PDZRN3: variants seen among roughly 807,000 people sequenced by gnomAD.
The protein encoded by PDZRN3 is E3 ubiquitin-protein ligase PDZRN3.
In PDZRN3, 38 loss-of-function variants were observed where a neutral mutation model predicts 85.7. That is an observed-to-expected ratio of 0.44 (90% CI 0.34 to 0.58). The LOEUF is 0.58. Ranked by LOEUF, PDZRN3 falls within the 20% of genes least tolerant of loss-of-function variation. PDZRN3 has a pLI of 0.01. For missense variants in PDZRN3, 1,629 were observed against 1,506.4 expected, an observed-to-expected ratio of 1.08 and a Z score of -1.35; for synonymous variants, 759 against 638.0, an observed-to-expected ratio of 1.19 and a Z score of -2.86.
chr3:73,405,429 T>C (rs1428127268), intron 3 of PDZRN3, among the ~76,000 whole-genome samples: 1 of 152,242 alleles, frequency 6.6e-6, no homozygotes, highest in African/African-American at 2.4e-5. Flanking sequence ...ATGCAGAAAG[T>C]CTGGTAACAT....
rs561819517 is a variant in PDZRN3 at position 73,492,845 on chromosome 3, T to C, written c.919-88450A>G. ...TGGATATGCCAATTACCTAATCTGA[T>C]CATTACATATTGTATGCATGTATTG... On this transcript the variant is annotated intron_variant, in intron 3 of 9. Coordinates refer to ENST00000263666, the MANE Select transcript of PDZRN3 (RefSeq NM_015009.3). Among the ~76,000 whole-genome samples the C allele has an allele frequency of 3.3e-5, 5 of 152,314 alleles. No homozygotes were observed. In the South Asian group the frequency reaches 1.0e-3, roughly 32 times the overall value.
chr3:73,555,533 C>A (rs1701673927), intron 3 of PDZRN3, among the ~76,000 whole-genome samples: 2 of 152,122 alleles, frequency 1.3e-5, no homozygotes, highest in South Asian at 4.1e-4. Context: ...TTTGGTATAC[C>A]CTTTCCTTAT....
chr3:73,412,942 C>T (rs536578046), intron 3 of PDZRN3, among the ~76,000 whole-genome samples: 4 of 152,252 alleles, frequency 2.6e-5, no homozygotes, highest in South Asian at 2.1e-4. Context: ...GGTCTAAGTC[C>T]GTGCTCTGCC....
rs555421345 is a variant in PDZRN3, at chr3:73,388,083, A to G, written c.1417-14T>C. On this transcript the variant is annotated splice_polypyrimidine_tract_variant and intron_variant, in intron 7 of 9. Transcript: ENST00000263666. ...TATCCCATTAATCTTTTAAAAAAAA[A>G]GGGGGGGTGGGGAGAGTGGGGAGAC... 8 of 908,172 alleles carry G rather than the reference A, an allele frequency of 8.8e-6. No homozygotes were observed. Among genetic ancestry groups the G allele is most frequent in the African/African-American group, 1.8e-5 (1 of 57,028 alleles). The allele number at this position is 908,172 out of a possible 1,614,324, so 56.3% of individuals were successfully genotyped here. A position where few individuals can be genotyped will look rare whatever the true frequency, so the allele number is the denominator to read the frequency against.
intron 3 of PDZRN3, among the ~76,000 whole-genome samples, chr3:73,584,307 GAGA>G (rs1316052686): frequency 6.6e-6 from 1 of 152,192 alleles, no homozygotes; most frequent in East Asian, 1.9e-4. Context: ...ATGATCAATA[GAGA>G]AGAATAACCA....
At chr3:73,428,523 T>G (rs1157956206) in intron 3 of PDZRN3, among the ~76,000 whole-genome samples, 1 of 152,082 alleles carries the variant, frequency 6.6e-6, no homozygotes, top group African/African-American at 2.4e-5. Context: ...CAAATTAACA[T>G]ATATATGGAA....
rs114817532 is a variant in PDZRN3, at chr3:73,417,275, A to G, written c.919-12880T>C. Among the ~76,000 whole-genome samples the G allele has an allele frequency of 2.8e-3, 423 of 152,344 alleles. 2 individuals carry two copies. The highest frequency in any genetic ancestry group is 9.8e-3 in the African/African-American group (407 of 41,588). On this transcript the variant is annotated intron_variant, in intron 3 of 9. Transcript: ENST00000263666. ...CTTCATTTTCATTATGCAAATTTTG[A>G]TAATTTTCTCCCTCTTGCTTCTCCC...
At chr3:73,518,024 G>T (rs991860178) in intron 3 of PDZRN3, among the ~76,000 whole-genome samples, 1 of 152,192 alleles carries the variant, frequency 6.6e-6, no homozygotes, top group Non-Finnish European at 1.5e-5. Flanking sequence ...CCAAAAGAAT[G>T]GAAAGCAGGG....
intron 3 of PDZRN3, among the ~76,000 whole-genome samples, chr3:73,531,641 T>C (rs996026836): frequency 2.0e-5 from 3 of 152,192 alleles, no homozygotes; most frequent in African/African-American, 7.2e-5. Flanking sequence ...CCTTCAGTCA[T>C]TGGTGTATAA....
intron 8 of PDZRN3, among the ~76,000 whole-genome samples, chr3:73,387,160 G>T (rs1395714661): frequency 6.6e-6 from 1 of 152,194 alleles, no homozygotes; most frequent in Non-Finnish European, 1.5e-5. Context: ...ATGTGGAACT[G>T]TGAGTCCATG....
chr3:73,475,538 A>G (rs980543679), intron 3 of PDZRN3, among the ~76,000 whole-genome samples: 1 of 152,264 alleles, frequency 6.6e-6, no homozygotes, highest in Non-Finnish European at 1.5e-5. Context: ...AAATTAAAAA[A>G]TAAACATTCT....
At position 73,384,768 on chromosome 3, in the gene PDZRN3, G is replaced by A; in HGVS notation, c.1798C>T (p.Leu600=). 6.2e-7 allele frequency: 1 copy of A among 1,613,942 alleles called. No homozygotes were observed. The highest frequency in any genetic ancestry group is 8.5e-7 in the Non-Finnish European group (1 of 1,180,044). ...CAGGTGAGCTTCCTCTGCCCCGCCA[G>A]CGGGTTGGAGGATGCGGTGGCGTCG... ...GDDATASSNP[L]AGQRKLTCSQ... The change falls in exon 10 of 10, where the codon CTG becomes TTG. Residue 600 remains leucine, a synonymous_variant. Coordinates refer to ENST00000263666, the MANE Select transcript of PDZRN3 (RefSeq NM_015009.3).
At chr3:73,469,596 C>T (rs1038130861) in intron 3 of PDZRN3, among the ~76,000 whole-genome samples, 13 of 152,310 alleles carry the variant, frequency 8.5e-5, no homozygotes, top group Non-Finnish European at 1.5e-4. Flanking sequence ...GGCCAACTCA[C>T]GTTTAAAGCC....
At chr3:73,621,491 C>A (rs1446139090) in intron 1 of PDZRN3, among the ~76,000 whole-genome samples, 1 of 152,166 alleles carries the variant, frequency 6.6e-6, no homozygotes, top group Non-Finnish European at 1.5e-5. Flanking sequence ...CAGTACCCAG[C>A]AGGAGCAGAG....
At chr3:73,549,155 A>G (rs1055075173) in intron 3 of PDZRN3, among the ~76,000 whole-genome samples, 1 of 152,188 alleles carries the variant, frequency 6.6e-6, no homozygotes, top group Non-Finnish European at 1.5e-5. Flanking sequence ...CCTTCCTTAT[A>G]GCTAAGCGAT....
chr3:73,619,716 T>C lies in PDZRN3; in HGVS notation c.723+4387A>G, dbSNP rs527432655. ...AAGAAGAGGATGAAGGGGAGAAGAA[T>C]CCAGGCAGGTGGAAGCCGGTAGGAT... On this transcript the variant is annotated intron_variant, in intron 1 of 9. Coordinates refer to ENST00000263666, the MANE Select transcript of PDZRN3 (RefSeq NM_015009.3). 2.6e-5 allele frequency among the ~76,000 whole-genome samples: 4 copies of C among 152,106 alleles called. No individual in the cohort carries two copies. The South Asian group carries it at 8.3e-4, about 32-fold the overall frequency.
intron 3 of PDZRN3, among the ~76,000 whole-genome samples, chr3:73,435,073 C>T (rs1702506170): frequency 6.6e-6 from 1 of 152,196 alleles, no homozygotes; most frequent in South Asian, 2.1e-4. Context: ...GGGGAGGACT[C>T]CCACGTCCCT....
intron 3 of PDZRN3, among the ~76,000 whole-genome samples, chr3:73,429,586 G>A (rs1157361888): frequency 1.3e-5 from 2 of 152,178 alleles, no homozygotes; most frequent in Non-Finnish European, 2.9e-5. Flanking sequence ...TTGGAAATCT[G>A]TGTTTTTCTA....
intron 3 of PDZRN3, among the ~76,000 whole-genome samples, chr3:73,498,527 G>A (rs752320169): frequency 8.6e-5 from 13 of 151,668 alleles, no homozygotes; most frequent in Non-Finnish European, 1.8e-4. Context: ...ATAACCTAAC[G>A]CTACCTTTTT....
Sources: gnomAD v4.1 joint callset for allele counts (sites outside exome capture counted in the v4.1 genomes callset) on GRCh38, gnomAD v4.1.1 for gene constraint, MANE v1.5 for transcripts, NCBI Gene and HGNC (gene_info 2026-07-23, HGNC 2026-07-21) for gene names.